The following ANKRD33B variants were observed in gnomAD, a reference collection of about 807,000 sequenced individuals.
ANKRD33B encodes the protein ankyrin repeat domain-containing protein 33B.
In ANKRD33B, 6 loss-of-function variants were observed where a neutral mutation model predicts 21.5. That is an observed-to-expected ratio of 0.28 (90% CI 0.15 to 0.55). The LOEUF is 0.55. Among genes scored for constraint, ANKRD33B ranks in the 20% least tolerant of loss-of-function variants. The pLI is 0.94. For missense variants in ANKRD33B, 698 were observed against 747.2 expected (o/e 0.93, Z 0.77); for synonymous variants, 347 against 342.4 (o/e 1.01, Z -0.15).
Position 10,573,467 on chromosome 5 carries a change from C to CAA in ANKRD33B, c.366+8652_366+8653dup, listed in dbSNP as rs10706973. 1.8e-3 allele frequency among the ~76,000 whole-genome samples: 178 copies of CAA among 100,614 alleles called. 2 individuals are homozygous for CAA. Among genetic ancestry groups the CAA allele is most frequent in the East Asian group, 8.3e-3 (26 of 3,138 alleles). The allele number at this position is 100,614 out of a possible 152,430, so 66.0% of individuals were successfully genotyped here. A position where few individuals can be genotyped will look rare whatever the true frequency, so the allele number is the denominator to read the frequency against. On this transcript the variant is annotated intron_variant, in intron 1 of 3. Transcript: ENST00000296657. ...TGGGCAACAGAGCGAGACTCCGTCT[C>CAA]AAAAAAAAAAAAAAAAAAACCTCTT... is the stretch of plus-strand genomic sequence containing the variant.
chr5:10,591,392 C>T (rs918087335), intron 1 of ANKRD33B, among the ~76,000 whole-genome samples: 15 of 152,132 alleles, frequency 9.9e-5, no homozygotes, highest in African/African-American at 3.4e-4. Context: ...GACAGGATTT[C>T]ACCATATTGG....
intron 1 of ANKRD33B, among the ~76,000 whole-genome samples, chr5:10,603,817 CTAA>C (rs778969853): frequency 2.6e-4 from 40 of 150,974 alleles, no homozygotes; most frequent in Non-Finnish European, 4.7e-4. Flanking sequence ...CTCAATTTTA[CTAA>C]TATTTGATAA....
At chr5:10,632,845 T>C (rs897645965) in intron 2 of ANKRD33B, among the ~76,000 whole-genome samples, 8 of 152,232 alleles carry the variant, frequency 5.3e-5, no homozygotes, top group African/African-American at 1.9e-4. Context: ...TGGAGTACAG[T>C]GGCATGATCT....
intron 1 of ANKRD33B, among the ~76,000 whole-genome samples, chr5:10,607,208 CCACTT>C (rs1736063987): frequency 6.6e-6 from 1 of 152,184 alleles, no homozygotes; most frequent in Non-Finnish European, 1.5e-5. Context: ...TGATAACAAA[CCACTT>C]CAAGTCCCAG....
chr5:10,571,870 A>AGGCATC (rs990523184), intron 1 of ANKRD33B, among the ~76,000 whole-genome samples: 19 of 147,770 alleles, frequency 1.3e-4, no homozygotes, highest in African/African-American at 4.2e-4. Context: ...GGGTAAGATA[A>AGGCATC]GGCATCCGTA....
At chr5:10,579,522 C>T (rs1445580634) in intron 1 of ANKRD33B, among the ~76,000 whole-genome samples, 3 of 152,102 alleles carry the variant, frequency 2.0e-5, no homozygotes, top group Non-Finnish European at 4.4e-5. Flanking sequence ...ACTACTTGTG[C>T]ATGACTTTGA....
At chr5:10,632,517 C>G (rs1736748219) in intron 2 of ANKRD33B, among the ~76,000 whole-genome samples, 1 of 152,182 alleles carries the variant, frequency 6.6e-6, no homozygotes, top group African/African-American at 2.4e-5. Context: ...TCCTCTTTTG[C>G]ATACCACAGA....
intron 1 of ANKRD33B, among the ~76,000 whole-genome samples, chr5:10,594,160 T>C (rs962117940): frequency 8.3e-6 from 1 of 120,042 alleles, no homozygotes. Context: ...AGATCATGTA[T>C]TTATTGATTG....
Position 10,564,730 on chromosome 5 carries a change from C to T in ANKRD33B, c.263C>T (p.Thr88Ile). 2.6e-6 allele frequency: 4 copies of T among 1,532,614 alleles called. No individual in the cohort carries two copies. Among genetic ancestry groups the T allele is most frequent in the South Asian group, 1.2e-5 (1 of 83,926 alleles). The allele number at this position is 1,532,614 out of a possible 1,614,324, so 94.9% of individuals were successfully genotyped here. A position where few individuals can be genotyped will look rare whatever the true frequency, so the allele number is the denominator to read the frequency against. Residue 88 changes from threonine to isoleucine, a missense_variant, in exon 1 of 4, where the codon ACC becomes ATC. Coordinates refer to ENST00000296657, the MANE Select transcript of ANKRD33B (RefSeq NM_001164440.2). ...GVPESVPETA[T>I]LLRAACANNV... Reference sequence around the variant, plus strand: ...CCGGAAAGCGTCCCGGAGACGGCGACCCTCCTGCGCGCCGCCTGCGCCAAC... The same window carrying T: ...CCGGAAAGCGTCCCGGAGACGGCGATCCTCCTGCGCGCCGCCTGCGCCAAC...
At chr5:10,575,284 G>A (rs555636616) in intron 1 of ANKRD33B, among the ~76,000 whole-genome samples, 13 of 152,206 alleles carry the variant, frequency 8.5e-5, no homozygotes, top group African/African-American at 2.2e-4. Context: ...TTAGCTGGGC[G>A]TGGTGGTGCA....
chr5:10,645,380 C>T (rs1029672430), intron 3 of ANKRD33B, among the ~76,000 whole-genome samples: 1 of 152,234 alleles, frequency 6.6e-6, no homozygotes, highest in Non-Finnish European at 1.5e-5. Flanking sequence ...CTCCACCCAC[C>T]TCCTGCTAGT....
In ANKRD33B at chr5:10,654,350, C is replaced by G. The variant is rs1737432653; in HGVS notation, c.*4237C>G. On this transcript the variant is annotated 3_prime_UTR_variant, in exon 4 of 4. Coordinates refer to ENST00000296657, the MANE Select transcript of ANKRD33B (RefSeq NM_001164440.2). ...GGGGCTCGGGATCCCTCCCTGCACC[C>G]TGATGTTTATTAACTGTAGATAGTG... The G allele has an allele frequency of 6.6e-6, 1 of 152,502 alleles. No individual in the cohort carries two copies. The highest frequency in any genetic ancestry group is 1.9e-4 in the East Asian group (1 of 5,326). The allele number at this position is 152,502 out of a possible 1,614,324, so 9.4% of individuals were successfully genotyped here.
intron 1 of ANKRD33B, among the ~76,000 whole-genome samples, chr5:10,614,171 A>C (rs965364814): frequency 2.6e-5 from 4 of 152,128 alleles, no homozygotes; most frequent in African/African-American, 9.7e-5. Flanking sequence ...CTGCCGGTCA[A>C]GTTTCTTCTT....
intron 1 of ANKRD33B, among the ~76,000 whole-genome samples, chr5:10,579,353 GT>G (rs11344291): frequency 0.33 from 47,697 of 142,816 alleles, 7,798 homozygotes; most frequent in East Asian, 0.6. Flanking sequence ...CTAAGTAATG[GT>G]TTTTTTTTTT....
At chr5:10,634,457 A>ATTTT (rs34515233) in intron 2 of ANKRD33B, among the ~76,000 whole-genome samples, 12,965 of 140,902 alleles carry the variant, frequency 0.092, 974 homozygotes, top group Non-Finnish European at 0.14. Flanking sequence ...CTCAAACTAG[A>ATTTT]TTTTTTTCTT....
Position 10,649,703 on chromosome 5 carries a change from G to A in ANKRD33B, c.1075G>A (p.Glu359Lys), listed in dbSNP as rs538742616. ...RAARGPQAQE[E>K]DEVGGAGQRG... ...TGCACGGGGCCCCCAGGCGCAGGAG[G>A]AGGATGAGGTGGGGGGCGCGGGGCA... Residue 359 changes from glutamate (E) to lysine (K), a missense_variant, in exon 4 of 4, where the codon GAG (glutamate) becomes AAG (lysine). Glu to Lys is a moderately conservative substitution (Grantham distance 56). Coordinates refer to ENST00000296657, the MANE Select transcript of ANKRD33B (RefSeq NM_001164440.2). The A allele has an allele frequency of 6.1e-4, 931 of 1,517,916 alleles. 7 individuals carry two copies. In the African/African-American group the frequency reaches 0.012, roughly 19 times the overall value. 94.0% of individuals were successfully genotyped at this position (1,517,916 alleles called of 1,614,324 possible). A position where few individuals can be genotyped will look rare whatever the true frequency, so the allele number is the denominator to read the frequency against.
chr5:10,622,132 T>G (rs1270000898), intron 2 of ANKRD33B, among the ~76,000 whole-genome samples: 11 of 152,254 alleles, frequency 7.2e-5, no homozygotes. Flanking sequence ...CTCTACCAGA[T>G]ACAATGCAAT....
chr5:10,649,154 T>G lies in ANKRD33B; in HGVS notation c.638-112T>G. ...ACTAGGTGCAGTCTGTTAGGAGGCT[T>G]GGGGCCAGGGGTGGGGGGTGGGGGC... On this transcript the variant is annotated intron_variant, in intron 3 of 3. Coordinates refer to ENST00000296657, the MANE Select transcript of ANKRD33B (RefSeq NM_001164440.2). 3 of 1,427,304 alleles carry G rather than the reference T, an allele frequency of 2.1e-6. No homozygotes were observed. In the African/African-American group the frequency reaches 4.4e-5, roughly 21 times the overall value. The allele number at this position is 1,427,304 out of a possible 1,614,324, so 88.4% of individuals were successfully genotyped here. A position where few individuals can be genotyped will look rare whatever the true frequency, so the allele number is the denominator to read the frequency against.
At chr5:10,585,359 C>T (rs772689087) in intron 1 of ANKRD33B, among the ~76,000 whole-genome samples, 4 of 152,200 alleles carry the variant, frequency 2.6e-5, no homozygotes, top group Non-Finnish European at 5.9e-5. Flanking sequence ...CTGAGGTCCC[C>T]TAAACATTGT....
Sources: allele counts gnomAD v4.1 joint callset (sites outside exome capture counted in the v4.1 genomes callset), GRCh38; gene constraint gnomAD v4.1.1; transcripts MANE v1.5; gene names NCBI Gene and HGNC (gene_info 2026-07-23, HGNC 2026-07-21).